The following CAST variants were observed in gnomAD, a reference collection of about 807,000 sequenced individuals.
CAST encodes the protein calpastatin, also known as MIR583 host.
A neutral mutation model predicts 119.6 loss-of-function variants in CAST; 76 were observed. That is an observed-to-expected ratio of 0.64 (90% confidence interval 0.53 to 0.77). The LOEUF (loss-of-function observed/expected upper bound fraction) is 0.77. Among genes scored for constraint, CAST ranks in the 30% least tolerant of loss-of-function variants. The pLI is 0.00. For synonymous variants in CAST, 319 were observed against 331.6 expected (o/e 0.96, Z 0.41); for missense variants, 953 against 946.5 (o/e 1.01, Z -0.09).
At chr5:96,566,660 A>G (rs977902594) in intron 1 of CAST, among the ~76,000 whole-genome samples, 1 of 152,240 alleles carries the variant, frequency 6.6e-6, no homozygotes, top group Admixed American at 6.5e-5. Context: ...ACCTCAAGTC[A>G]TTTAAAGTCT....
the CAST span, among the ~76,000 whole-genome samples, chr5:95,984,962 T>C: frequency 7.1e-6 from 1 of 141,306 alleles, no homozygotes; most frequent in African/African-American, 3.0e-5. Flanking sequence ...TTGAATATAC[T>C]GAGATAAAGA....
intron 29 of CAST, 89 bp downstream of exon 29, chr5:96,768,088 T>A: frequency 1.1e-6 from 1 of 875,500 alleles, no homozygotes; most frequent in Non-Finnish European, 1.9e-6. Flanking sequence ...TTGATCTATC[T>A]ATCGGTCTGT....
At chr5:96,310,040 T>C in the CAST span, among the ~76,000 whole-genome samples, 3 of 152,234 alleles carry the variant, frequency 2.0e-5, no homozygotes, top group Non-Finnish European at 4.4e-5. Context: ...TTTTCACCAT[T>C]GAGTATAATG....
chr5:96,574,520 T>C (rs988796887), intron 1 of CAST, among the ~76,000 whole-genome samples: 1 of 152,218 alleles, frequency 6.6e-6, no homozygotes, highest in African/African-American at 2.4e-5. Context: ...GGCTTTCACA[T>C]AGCAATCGTT....
At chr5:96,347,928 G>A in the CAST span, among the ~76,000 whole-genome samples, 1 of 152,134 alleles carries the variant, frequency 6.6e-6, no homozygotes, top group Non-Finnish European at 1.5e-5. Flanking sequence ...AGTTCAGAGA[G>A]AGCCCTCCCT....
chr5:96,649,048 T>C (rs902529071), intron 1 of CAST, among the ~76,000 whole-genome samples: 1 of 152,208 alleles, frequency 6.6e-6, no homozygotes, highest in Non-Finnish European at 1.5e-5. Context: ...GGGCAAGACA[T>C]GTCTTTTTAA....
the CAST span, chr5:96,393,257 C>A: frequency 2.5e-6 from 4 of 1,613,816 alleles, no homozygotes; most frequent in Non-Finnish European, 3.4e-6. Context: ...TTGCAGGAGT[C>A]GCAGCATGGC....
At chr5:96,375,792 T>C in the CAST span, among the ~76,000 whole-genome samples, 3 of 151,646 alleles carry the variant, frequency 2.0e-5, no homozygotes, top group Admixed American at 6.6e-5. Context: ...GACAGTCTTA[T>C]GGAAATGCTG....
chr5:96,032,940 CA>C, the CAST span, among the ~76,000 whole-genome samples: 1 of 151,920 alleles, frequency 6.6e-6, no homozygotes. Context: ...AAGGCACCAC[CA>C]AAAAACTGTT....
intron 1 of CAST, among the ~76,000 whole-genome samples, chr5:96,567,382 G>A (rs1188900923): frequency 6.6e-6 from 1 of 152,062 alleles, no homozygotes; most frequent in Non-Finnish European, 1.5e-5. Flanking sequence ...CCTCCCCAGT[G>A]GTAGTCCTTC....
At chr5:95,977,601 T>C in the CAST span, among the ~76,000 whole-genome samples, 1 of 152,224 alleles carries the variant, frequency 6.6e-6, no homozygotes, top group Non-Finnish European at 1.5e-5. Flanking sequence ...ACTGTACACA[T>C]TTTATTATGA....
the CAST span, among the ~76,000 whole-genome samples, chr5:95,979,593 A>G: frequency 1.3e-5 from 2 of 152,318 alleles, no homozygotes; most frequent in East Asian, 3.9e-4. Flanking sequence ...TTTTGGAAAA[A>G]GTACAGGATC....
chr5:96,544,174 G>A (rs777286379), intron 1 of CAST, among the ~76,000 whole-genome samples: 4 of 152,092 alleles, frequency 2.6e-5, no homozygotes, highest in South Asian at 2.1e-4. Context: ...TGACAACATC[G>A]AGTCTTCCAA....
chr5:96,584,285 A>G (rs1262463500), intron 1 of CAST, among the ~76,000 whole-genome samples: 1 of 152,224 alleles, frequency 6.6e-6, no homozygotes, highest in Non-Finnish European at 1.5e-5. Context: ...ATGATCTGAC[A>G]GGGGACAGAG....
At position 96,729,189 on chromosome 5, in the gene CAST, A is replaced by T. The variant is rs1223857706; in HGVS notation, c.415A>T (p.Lys139Ter). Residue 139 changes from lysine (K) to a stop codon, truncating the protein, a stop_gained, in exon 7 of 32, where the codon AAG becomes TAG. Transcript: ENST00000675179. LOFTEE classifies it high-confidence loss of function. ...VVHEKKSQEG[K>*]PKEHTEPKSL... is the part of the protein sequence containing the mutation. ...TCATGAGAAAAAATCCCAAGAAGGA[A>T]AGCCAAAAGAACACACAGAGGTAAA... 6.3e-7 allele frequency: 1 copy of T among 1,596,412 alleles called. No homozygotes were observed. Among genetic ancestry groups the T allele is most frequent in the South Asian group, 1.1e-5 (1 of 90,444 alleles).
chr5:96,369,611 A>G, the CAST span, among the ~76,000 whole-genome samples: 1 of 152,170 alleles, frequency 6.6e-6, no homozygotes, highest in Non-Finnish European at 1.5e-5. Context: ...GTAGAAGAAT[A>G]TGAGAAGACC....
chr5:96,435,564 C>G, the CAST span, among the ~76,000 whole-genome samples: 6 of 152,180 alleles, frequency 3.9e-5, no homozygotes, highest in Admixed American at 3.9e-4. Context: ...ATGGTAGTGA[C>G]CTCCAGGCCC....
chr5:96,699,012 T>C (rs1753603424), intron 3 of CAST, among the ~76,000 whole-genome samples: 1 of 152,232 alleles, frequency 6.6e-6, no homozygotes, highest in South Asian at 2.1e-4. Context: ...TCCCTTCTGC[T>C]ATGCAGTTTT....
At chr5:96,016,559 G>A in the CAST span, among the ~76,000 whole-genome samples, 1 of 152,136 alleles carries the variant, frequency 6.6e-6, no homozygotes, top group Non-Finnish European at 1.5e-5. Context: ...AATAATATTT[G>A]TCATACCTGC....
Sources: gnomAD v4.1 joint callset for allele counts (sites outside exome capture counted in the v4.1 genomes callset) on GRCh38, gnomAD v4.1.1 for gene constraint, MANE v1.5 for transcripts, NCBI Gene and HGNC (gene_info 2026-07-23, HGNC 2026-07-21) for gene names.